The following CTNNA2 variants were observed in gnomAD, a reference collection of about 807,000 sequenced individuals.
CTNNA2 encodes the protein catenin alpha 2.
Under a neutral mutation model 101.0 loss-of-function variants are expected in CTNNA2, and 42 were observed. The observed-to-expected ratio is 0.42, with a 90% CI of 0.32 to 0.54. The LOEUF is 0.54. Among genes scored for constraint, CTNNA2 ranks in the 20% least tolerant of loss-of-function variants. The pLI is 0.14. For synonymous variants in CTNNA2, 450 were observed against 456.4 expected (o/e 0.99, Z 0.18); for missense variants, 871 against 1,223.1 (o/e 0.71, Z 4.29).
At chr2:80,388,161 C>T (rs1015741428) in intron 7 of CTNNA2, among the ~76,000 whole-genome samples, 2 of 152,096 alleles carry the variant, frequency 1.3e-5, no homozygotes, top group Non-Finnish European at 2.9e-5. Flanking sequence ...GAAGGGAGAT[C>T]GTTTAGATAT....
intron 2 of CTNNA2, among the ~76,000 whole-genome samples, chr2:79,306,601 C>A (rs1057311627): frequency 1.3e-5 from 2 of 152,184 alleles, no homozygotes; most frequent in Admixed American, 6.5e-5. Flanking sequence ...GTATTGCAGA[C>A]AATGCTGAAA....
intron 7 of CTNNA2, among the ~76,000 whole-genome samples, chr2:79,991,858 C>T (rs491062): frequency 6.6e-6 from 1 of 151,914 alleles, no homozygotes; most frequent in African/African-American, 2.4e-5. Flanking sequence ...TTGTTGATTA[C>T]GACTGTATAT....
chr2:80,105,211 G>T (rs1267062801), intron 7 of CTNNA2, among the ~76,000 whole-genome samples: 4 of 152,186 alleles, frequency 2.6e-5, no homozygotes, highest in African/African-American at 9.7e-5. Flanking sequence ...TAACACATGT[G>T]TAGAGAGTGA....
chr2:79,480,501 A>T lies in CTNNA2; in HGVS notation c.-134-24553A>T, dbSNP rs151131479. ...TATTATCCCTTAAATTATTGGTTCT[A>T]TTATATTAACATTGTACTGTCTTTC... On this transcript the variant is annotated intron_variant, in intron 4 of 21. Coordinates refer to the CTNNA2 transcript ENST00000466387. 2.4e-3 allele frequency among the ~76,000 whole-genome samples: 362 copies of T among 152,308 alleles called. 2 individuals are homozygous for T. Among genetic ancestry groups the T allele is most frequent in the South Asian group, 3.7e-3 (18 of 4,826 alleles).
At chr2:80,634,891 T>A (rs1024522504) in intron 18 of CTNNA2, among the ~76,000 whole-genome samples, 4 of 152,068 alleles carry the variant, frequency 2.6e-5, no homozygotes, top group African/African-American at 9.7e-5. Flanking sequence ...GTGTTGCCAA[T>A]AACTGAGATG....
At chr2:79,796,913 T>A (rs1477013960) in intron 3 of CTNNA2, among the ~76,000 whole-genome samples, 1 of 152,182 alleles carries the variant, frequency 6.6e-6, no homozygotes, top group Admixed American at 6.5e-5. Context: ...GAGATAGATA[T>A]GACTCATGAA....
At chr2:79,488,575 G>A (rs17763859) in intron 4 of CTNNA2, among the ~76,000 whole-genome samples, 51,225 of 151,926 alleles carry the variant, frequency 0.34, 9,126 homozygotes, top group Non-Finnish European at 0.39. Context: ...TTTCAAGGCT[G>A]TTAGGCTGGT....
chr2:80,368,063 A>G (rs1675098724), intron 7 of CTNNA2, among the ~76,000 whole-genome samples: 1 of 152,144 alleles, frequency 6.6e-6, no homozygotes, highest in Non-Finnish European at 1.5e-5. Flanking sequence ...ATAGAAAGAT[A>G]TTCCTGTGGT....
chr2:79,707,153 C>T (rs115315682), intron 2 of CTNNA2, among the ~76,000 whole-genome samples: 156 of 152,178 alleles, frequency 1.0e-3, no homozygotes, highest in African/African-American at 3.6e-3. Flanking sequence ...AACATCTGTG[C>T]GAGGACACAT....
chr2:80,192,712 G>A (rs1447796563), intron 7 of CTNNA2, among the ~76,000 whole-genome samples: 5 of 152,016 alleles, frequency 3.3e-5, no homozygotes, highest in East Asian at 1.9e-4. Context: ...ATGGGGTTTC[G>A]CCACATTGGC....
At chr2:79,532,425 G>T (rs1490416702) in intron 1 of CTNNA2, among the ~76,000 whole-genome samples, 1 of 152,028 alleles carries the variant, frequency 6.6e-6, no homozygotes, top group African/African-American at 2.4e-5. Flanking sequence ...GTGCTATTTT[G>T]CTATAGTACT....
intron 2 of CTNNA2, among the ~76,000 whole-genome samples, chr2:79,295,648 A>T (rs1675960551): frequency 6.6e-6 from 1 of 151,842 alleles, no homozygotes; most frequent in South Asian, 2.1e-4. Context: ...TTCCTGGCAG[A>T]TGCTGATGTG....
intron 7 of CTNNA2, among the ~76,000 whole-genome samples, chr2:80,243,753 C>T (rs1161682540): frequency 6.6e-6 from 1 of 152,202 alleles, no homozygotes; most frequent in Non-Finnish European, 1.5e-5. Context: ...TGCATGCCTT[C>T]ATTTCCCTTG....
At chr2:79,412,562 A>C (rs962779730) in intron 4 of CTNNA2, among the ~76,000 whole-genome samples, 1 of 152,058 alleles carries the variant, frequency 6.6e-6, no homozygotes, top group Admixed American at 6.6e-5. Flanking sequence ...ACCACAGTGC[A>C]ATCAAACTAG....
At chr2:80,027,521 A>G (rs1695007939) in intron 7 of CTNNA2, among the ~76,000 whole-genome samples, 1 of 152,224 alleles carries the variant, frequency 6.6e-6, no homozygotes, top group Non-Finnish European at 1.5e-5. Flanking sequence ...GGGACAAAAG[A>G]CGAAGTGAGG....
chr2:79,528,253 G>A (rs1583149), intron 1 of CTNNA2, among the ~76,000 whole-genome samples: 98,350 of 151,282 alleles, frequency 0.65, 32,035 homozygotes, highest in Non-Finnish European at 0.67. Context: ...TCACTGTGTT[G>A]CCCAGGTTAA....
chr2:79,521,401 C>A (rs1366902265), intron 1 of CTNNA2, among the ~76,000 whole-genome samples: 3 of 151,910 alleles, frequency 2.0e-5, no homozygotes, highest in Admixed American at 6.6e-5. Flanking sequence ...AGCGTCTCTT[C>A]CTGCAGAATG....
At chr2:79,556,452 A>C (rs377189770) in intron 1 of CTNNA2, among the ~76,000 whole-genome samples, 19 of 152,174 alleles carry the variant, frequency 1.2e-4, no homozygotes, top group African/African-American at 4.6e-4. Flanking sequence ...GAAAAGAGGA[A>C]GATGTAGCTG....
chr2:79,565,654 G>C (rs1675067220), intron 1 of CTNNA2, among the ~76,000 whole-genome samples: 1 of 152,156 alleles, frequency 6.6e-6, no homozygotes, highest in Non-Finnish European at 1.5e-5. Flanking sequence ...GTGAAAAGAA[G>C]AGTCAAGGTT....
Sources: allele counts gnomAD v4.1 joint callset (sites outside exome capture counted in the v4.1 genomes callset), GRCh38; gene constraint gnomAD v4.1.1; transcripts MANE v1.5; gene names NCBI Gene and HGNC (gene_info 2026-07-23, HGNC 2026-07-21).